Variants in FRMD4A observed in about 807,000 individuals in gnomAD.
FRMD4A encodes FERM domain-containing protein 4A.
FRMD4A carries 29 observed loss-of-function variants against 129.1 expected under a neutral mutation model. The observed-to-expected ratio is 0.22, with a 90% CI of 0.17 to 0.31. The LOEUF (loss-of-function observed/expected upper bound fraction) is 0.31. FRMD4A is among the 10% of genes least tolerant of loss of function. The probability of loss-of-function intolerance (pLI) is 1.00; values close to 1 mark genes in which losing one functional copy is unlikely to be tolerated. For synonymous variants in FRMD4A, 634 were observed against 571.6 expected, an observed-to-expected ratio of 1.11 and a Z score of -1.56; for missense variants, 1,272 against 1,375.8, an observed-to-expected ratio of 0.92 and a Z score of 1.19.
rs755316266 is a variant in FRMD4A, at chr10:13,670,478, T to G, written c.1302A>C (p.Glu434Asp). 2 of 1,612,774 alleles carry G rather than the reference T, an allele frequency of 1.2e-6. No individual in the cohort carries two copies. Among genetic ancestry groups the G allele is most frequent in the South Asian group, 2.2e-5 (2 of 91,050 alleles). The change falls in exon 17 of 25, where the codon GAA becomes GAC. Residue 434 changes from glutamate to aspartate, a missense_variant. Around this residue, in one of 2 missense-constraint regions of FRMD4A, gnomAD observed 972 missense variants for 892.3 expected, o/e 1.09. Coordinates refer to ENST00000357447, the MANE Select transcript of FRMD4A (RefSeq NM_018027.5). ...CTATTCTTCTCCGAACAATGGGTGG[T>G]TCCTCCCCTGGATCCAGGGGATATT... is the stretch of plus-strand genomic sequence containing the variant. Reference protein sequence around the residue: ...PVEYPLDPGEEPPIVRRRIGT... With the variant: ...PVEYPLDPGEDPPIVRRRIGT...
chr10:13,792,566 G>A (rs113455338), intron 5 of FRMD4A, among the ~76,000 whole-genome samples: 2,035 of 152,278 alleles, frequency 0.013, 26 homozygotes, highest in Middle Eastern at 0.034. Flanking sequence ...GACCATCCTG[G>A]GCCCCCATCT....
At chr10:14,243,212 T>C (rs1218394) in intron 2 of FRMD4A, among the ~76,000 whole-genome samples, 123,198 of 151,686 alleles carry the variant, frequency 0.81, 50,440 homozygotes, top group Non-Finnish European at 0.87. Context: ...CTCTGTGTCC[T>C]CATCCAAATT....
chr10:13,663,820 A>G (rs1336251960), intron 18 of FRMD4A, among the ~76,000 whole-genome samples: 1 of 152,244 alleles, frequency 6.6e-6, no homozygotes, highest in Non-Finnish European at 1.5e-5. Context: ...CCCCAGCCTG[A>G]TTAAACCACA....
At chr10:13,813,483 T>G (rs2093483909) in intron 3 of FRMD4A, among the ~76,000 whole-genome samples, 1 of 152,190 alleles carries the variant, frequency 6.6e-6, no homozygotes, top group East Asian at 1.9e-4. Flanking sequence ...CTCCTCGAAT[T>G]ATGATGGGGC....
chr10:14,044,339 C>G (rs1833900612), intron 2 of FRMD4A, among the ~76,000 whole-genome samples: 1 of 152,190 alleles, frequency 6.6e-6, no homozygotes, highest in African/African-American at 2.4e-5. Flanking sequence ...CATTTGGCTG[C>G]TTCACTATTT....
chr10:14,013,922 A>G (rs574816831), intron 2 of FRMD4A, among the ~76,000 whole-genome samples: 78 of 152,204 alleles, frequency 5.1e-4, no homozygotes, highest in Non-Finnish European at 9.7e-4. Context: ...CAAGAGAGAA[A>G]CTCCATTTCA....
At chr10:14,181,798 C>A (rs1841923883) in intron 2 of FRMD4A, among the ~76,000 whole-genome samples, 1 of 152,128 alleles carries the variant, frequency 6.6e-6, no homozygotes, top group Non-Finnish European at 1.5e-5. Flanking sequence ...TCAAGCAATC[C>A]TCCTGCCTCA....
At chr10:13,697,219 C>T (rs1039534879) in intron 14 of FRMD4A, among the ~76,000 whole-genome samples, 1 of 149,068 alleles carries the variant, frequency 6.7e-6, no homozygotes, top group Non-Finnish European at 1.5e-5. Context: ...TGCGGTGGCA[C>T]GATCTCAGCT....
chr10:13,925,319 C>G (rs867965247), intron 2 of FRMD4A, among the ~76,000 whole-genome samples: 2 of 152,066 alleles, frequency 1.3e-5, no homozygotes, highest in African/African-American at 2.4e-5. Context: ...AGAATTCCCT[C>G]TAATCACCAC....
chr10:14,262,211 A>G lies in FRMD4A; in HGVS notation c.45+67847T>C, dbSNP rs118084463. Among the ~76,000 whole-genome samples, 40 of 152,292 alleles carry G rather than the reference A, an allele frequency of 2.6e-4. No homozygotes were observed. The East Asian group carries it at 6.4e-3, about 24-fold the overall frequency. ...TCCCTGCCTTTCTCCAAATTTCTAT[A>G]TGAAAACTGAGCTAAGAGATCACTT... On this transcript the variant is annotated intron_variant, in intron 2 of 24. Coordinates refer to ENST00000357447, the MANE Select transcript of FRMD4A (RefSeq NM_018027.5).
intron 2 of FRMD4A, among the ~76,000 whole-genome samples, chr10:13,995,018 G>C (rs989719619): frequency 2.0e-5 from 3 of 152,182 alleles, no homozygotes; most frequent in African/African-American, 7.2e-5. Flanking sequence ...GGTCTTATGT[G>C]TACCATCTGA....
At chr10:14,214,907 A>C (rs1394273909) in intron 2 of FRMD4A, among the ~76,000 whole-genome samples, 1 of 152,232 alleles carries the variant, frequency 6.6e-6, no homozygotes, top group East Asian at 1.9e-4. Flanking sequence ...TAACATCATA[A>C]TCTATAGGAA....
In FRMD4A at chr10:14,195,933, C is replaced by G. The variant is rs527695731; in HGVS notation, c.45+134125G>C. On this transcript the variant is annotated intron_variant, in intron 2 of 24. Coordinates refer to ENST00000357447, the MANE Select transcript of FRMD4A (RefSeq NM_018027.5). ...TAGTTCCTTACGACTTCACGACACT[C>G]TGAAAAGTTTTGTTCAGTATGTTTA... is the stretch of plus-strand genomic sequence containing the variant. 1.1e-4 allele frequency among the ~76,000 whole-genome samples: 17 copies of G among 152,314 alleles called. No homozygotes were observed. The East Asian group carries it at 2.3e-3, about 21-fold the overall frequency.
At chr10:14,273,799 G>T (rs1845245320) in intron 2 of FRMD4A, among the ~76,000 whole-genome samples, 1 of 152,120 alleles carries the variant, frequency 6.6e-6, no homozygotes, top group Admixed American at 6.5e-5. Flanking sequence ...GATAAAAATT[G>T]ATGGATATTG....
At chr10:13,718,969 G>A (rs78063433) in intron 12 of FRMD4A, among the ~76,000 whole-genome samples, 1,754 of 152,226 alleles carry the variant, frequency 0.012, 70 homozygotes, top group South Asian at 0.12. Flanking sequence ...GTTGTCTGTT[G>A]AGTGAGTGAA....
At chr10:13,940,114 G>T (rs1239213101) in intron 2 of FRMD4A, among the ~76,000 whole-genome samples, 1 of 151,770 alleles carries the variant, frequency 6.6e-6, no homozygotes, top group Non-Finnish European at 1.5e-5. Context: ...GAAACTGAAG[G>T]GCACAAACCC....
rs1365398682 is a variant in FRMD4A, at chr10:13,645,030, T to A, written c.*2008A>T. ...CCCTGAATTGTCTAGAGAGACTTGGTGGAGGAGGCCACGGCCCGCCTTGTC... is the reference window on the plus strand; with the variant it reads ...CCCTGAATTGTCTAGAGAGACTTGGAGGAGGAGGCCACGGCCCGCCTTGTC... On this transcript the variant is annotated 3_prime_UTR_variant, in exon 25 of 25. Coordinates refer to ENST00000357447, the MANE Select transcript of FRMD4A (RefSeq NM_018027.5). The A allele has an allele frequency of 1.3e-5, 2 of 152,082 alleles. No homozygotes were observed. Among genetic ancestry groups the A allele is most frequent in the Admixed American group, 6.6e-5 (1 of 15,256 alleles). 9.4% of individuals were successfully genotyped at this position (152,082 alleles called of 1,614,324 possible).
At chr10:14,232,854 T>G (rs777739063) in intron 2 of FRMD4A, among the ~76,000 whole-genome samples, 12 of 152,184 alleles carry the variant, frequency 7.9e-5, no homozygotes, top group Non-Finnish European at 1.6e-4. Flanking sequence ...AGGTAGAGAA[T>G]CAAATCACCT....
At chr10:13,884,186 A>ACTCACACACACACTCACACACTCACT (rs1554956520) in intron 2 of FRMD4A, among the ~76,000 whole-genome samples, 1 of 109,598 alleles carries the variant, frequency 9.1e-6, no homozygotes, top group African/African-American at 3.6e-5. Flanking sequence ...TCACACACAC[A>ACTCACACACACACTCACACACTCACT]CACACACACT....
Sources: allele counts gnomAD v4.1 joint callset (sites outside exome capture counted in the v4.1 genomes callset), GRCh38; gene constraint gnomAD v4.1.1; regional missense constraint gnomAD v4.1.1; transcripts MANE v1.5; gene names NCBI Gene and HGNC (gene_info 2026-07-23, HGNC 2026-07-21).